The following CLIP2 variants were observed in gnomAD, a reference collection of about 807,000 sequenced individuals.
CLIP2 encodes CAP-Gly domain-containing linker protein 2.
A neutral mutation model predicts 111.7 loss-of-function variants in CLIP2; 41 were observed. The ratio of observed to expected loss-of-function variants is 0.37; its 90% CI spans 0.29 to 0.48. The LOEUF is 0.48. Ranked by LOEUF, CLIP2 falls within the 20% of genes least tolerant of loss-of-function variation. The pLI, the probability that CLIP2 is intolerant of heterozygous loss-of-function variation, is 0.99. For missense variants in CLIP2, 1,160 were observed against 1,422.1 expected (o/e 0.82, Z 2.96); for synonymous variants, 660 against 644.2 (o/e 1.02, Z -0.37).
chr7:74,366,537 G>T lies in CLIP2; in HGVS notation c.1380+2222G>T, dbSNP rs894464732. Among the ~76,000 whole-genome samples, 109 of 152,342 alleles carry T rather than the reference G, an allele frequency of 7.2e-4. 1 individual carries two copies. Among genetic ancestry groups the T allele is most frequent in the African/African-American group, 2.6e-3 (107 of 41,588 alleles). On this transcript the variant is annotated intron_variant, in intron 8 of 16. Transcript: ENST00000223398. ...AATAATGCACAGCCACAAATGTGTG[G>T]CTTAAAACAGCACAAACATATGCTT...
At chr7:74,386,382 G>A in intron 11 of CLIP2, 139 bp from the exon 12 acceptor site, 5 of 636,952 alleles carry the variant, frequency 7.8e-6, no homozygotes, top group Admixed American at 3.2e-5. Flanking sequence ...CCAGCGAGAC[G>A]GCTGGAGTGA....
At chr7:74,319,322 G>C (rs1554729663) in intron 2 of CLIP2, among the ~76,000 whole-genome samples, 1 of 152,104 alleles carries the variant, frequency 6.6e-6, no homozygotes, top group Non-Finnish European at 1.5e-5. Flanking sequence ...GACCAGCCTG[G>C]CCAACATGGT....
intron 1 of CLIP2, among the ~76,000 whole-genome samples, chr7:74,306,358 A>G (rs1788488206): frequency 6.6e-6 from 1 of 152,078 alleles, no homozygotes; most frequent in Non-Finnish European, 1.5e-5. Flanking sequence ...GGCTCTGGTG[A>G]AGGCTGGATG....
At chr7:74,361,176 T>TTCCTTCC (rs1790318521) in intron 7 of CLIP2, among the ~76,000 whole-genome samples, 3 of 62,016 alleles carry the variant, frequency 4.8e-5, no homozygotes, top group African/African-American at 1.2e-4. Context: ...CCCTCCCTTC[T>TTCCTTCC]TTCCTTCCTT....
intron 2 of CLIP2, among the ~76,000 whole-genome samples, chr7:74,327,004 C>T (rs1235840734): frequency 6.6e-6 from 1 of 152,094 alleles, no homozygotes; most frequent in Non-Finnish European, 1.5e-5. Flanking sequence ...GATCTCAGCT[C>T]ACTGCAACCT....
At chr7:74,292,040 G>T (rs1357054773) in intron 1 of CLIP2, among the ~76,000 whole-genome samples, 1 of 151,182 alleles carries the variant, frequency 6.6e-6, no homozygotes, top group Non-Finnish European at 1.5e-5. Context: ...TTCTGCCTCA[G>T]CCTCCCAAGT....
chr7:74,390,136 GAA>G lies in CLIP2; in HGVS notation c.2720+879_2720+880del, dbSNP rs201674694. 6.9e-3 allele frequency among the ~76,000 whole-genome samples: 592 copies of G among 85,228 alleles called. 6 individuals are homozygous for G. Among genetic ancestry groups the G allele is most frequent in the African/African-American group, 0.017 (296 of 17,932 alleles). 55.9% of individuals were successfully genotyped at this position (85,228 alleles called of 152,430 possible). A position where few individuals can be genotyped will look rare whatever the true frequency, so the allele number is the denominator to read the frequency against. On this transcript the variant is annotated intron_variant, in intron 13 of 16. Coordinates refer to ENST00000223398, the MANE Select transcript of CLIP2 (RefSeq NM_003388.5). ...GAAAGAAAGAAAAGAGAGAGAGAGA[GAA>G]AGAAAGAAAGAAAAAGAAAGAAAGA...
intron 1 of CLIP2, among the ~76,000 whole-genome samples, chr7:74,311,575 G>C (rs190639583): frequency 6.6e-6 from 1 of 152,248 alleles, no homozygotes; most frequent in Non-Finnish European, 1.5e-5. Context: ...TAATTGGGTT[G>C]TTGTCTTCTT....
intron 13 of CLIP2, among the ~76,000 whole-genome samples, chr7:74,394,124 T>A (rs1281233469): frequency 6.6e-6 from 1 of 152,176 alleles, no homozygotes; most frequent in African/African-American, 2.4e-5. Context: ...ACATTTCCTC[T>A]TTCCCAGAGG....
intron 9 of CLIP2, among the ~76,000 whole-genome samples, chr7:74,374,920 G>A (rs1236307825): frequency 2.0e-5 from 3 of 152,136 alleles, no homozygotes; most frequent in Non-Finnish European, 2.9e-5. Context: ...GGGTCTGGGA[G>A]CACCCTCTTC....
At chr7:74,299,654 G>A (rs1788270836) in intron 1 of CLIP2, among the ~76,000 whole-genome samples, 1 of 152,106 alleles carries the variant, frequency 6.6e-6, no homozygotes, top group Middle Eastern at 3.4e-3. Context: ...AGGAGAAGGT[G>A]TGGGAGTGAG....
At chr7:74,303,007 TGGC>T (rs1412570096) in intron 1 of CLIP2, among the ~76,000 whole-genome samples, 1 of 152,214 alleles carries the variant, frequency 6.6e-6, no homozygotes, top group Admixed American at 6.5e-5. Context: ...CCCGCAGGCC[TGGC>T]AGAGAAGACT....
intron 3 of CLIP2, among the ~76,000 whole-genome samples, chr7:74,341,723 C>T (rs1554305424): frequency 1.3e-5 from 2 of 152,074 alleles, no homozygotes; most frequent in African/African-American, 4.8e-5. Context: ...TCCCAAGAAG[C>T]TGGGACTACA....
At chr7:74,380,952 A>G (rs1554313797) in intron 11 of CLIP2, 89 bp downstream of exon 11, 4 of 1,272,100 alleles carry the variant, frequency 3.1e-6, no homozygotes, top group Admixed American at 1.7e-5. Context: ...TTTGGTTTGC[A>G]TCATCTGCCA....
At chr7:74,390,162 GAAGA>G (rs200256078) in intron 13 of CLIP2, among the ~76,000 whole-genome samples, 9,619 of 84,218 alleles carry the variant, frequency 0.11, 459 homozygotes, top group Non-Finnish European at 0.14. Flanking sequence ...AAGAAAGAAA[GAAGA>G]AAGAAAGAAA....
chr7:74,336,872 T>G (rs1410183246), intron 2 of CLIP2, among the ~76,000 whole-genome samples: 2 of 54,722 alleles, frequency 3.7e-5, no homozygotes, highest in Admixed American at 2.4e-4. Flanking sequence ...TTTTTTTTTT[T>G]TTGTTTTTTT....
chr7:74,394,878 A>G (rs1791403391), intron 13 of CLIP2, among the ~76,000 whole-genome samples: 1 of 152,086 alleles, frequency 6.6e-6, no homozygotes. Context: ...TGGAAAAGTT[A>G]TTCTTGGTGC....
intron 13 of CLIP2, among the ~76,000 whole-genome samples, chr7:74,395,150 T>A (rs1274785886): frequency 6.6e-6 from 1 of 151,790 alleles, no homozygotes; most frequent in Non-Finnish European, 1.5e-5. Flanking sequence ...TAGGATACCT[T>A]CTTTTTCTTC....
At chr7:74,293,640 C>T (rs1788087790) in intron 1 of CLIP2, among the ~76,000 whole-genome samples, 2 of 152,172 alleles carry the variant, frequency 1.3e-5, no homozygotes, top group Admixed American at 1.3e-4. Context: ...AGGTGAGGAC[C>T]AGCAAATCTG....
Sources: allele counts gnomAD v4.1 joint callset (sites outside exome capture counted in the v4.1 genomes callset), GRCh38; gene constraint gnomAD v4.1.1; transcripts MANE v1.5; gene names NCBI Gene and HGNC (gene_info 2026-07-23, HGNC 2026-07-21).